Variants in VPS13A observed in about 807,000 individuals in gnomAD.
The protein encoded by VPS13A is vacuolar protein sorting 13 homolog A, also known as intermembrane lipid transfer protein VPS13A.
In VPS13A, 264 loss-of-function variants were observed where a neutral mutation model predicts 390.9. That is an observed-to-expected ratio of 0.68 (90% CI 0.61 to 0.75). VPS13A has a LOEUF of 0.75. VPS13A is among the 30% of genes least tolerant of loss of function. The probability of loss-of-function intolerance (pLI) is 0.00; values close to 1 mark genes in which losing one functional copy is unlikely to be tolerated. For missense variants in VPS13A, 3,409 were observed against 3,733.9 expected, an observed-to-expected ratio of 0.91 and a Z score of 2.27; for synonymous variants, 1,231 against 1,227.1, an observed-to-expected ratio of 1.00 and a Z score of -0.07.
chr9:77,225,438 G>A (rs954689182), intron 13 of VPS13A, among the ~76,000 whole-genome samples: 1 of 152,056 alleles, frequency 6.6e-6, no homozygotes, highest in Non-Finnish European at 1.5e-5. Flanking sequence ...TTTTGTAGAG[G>A]TTTTGCAGTG....
At chr9:77,397,589 C>T (rs1834170897) in intron 68 of VPS13A, among the ~76,000 whole-genome samples, 1 of 152,082 alleles carries the variant, frequency 6.6e-6, no homozygotes, top group Non-Finnish European at 1.5e-5. Flanking sequence ...TTCTTCATAA[C>T]ATTTGGATGA....
Position 77,308,008 on chromosome 9 carries a change from G to A in VPS13A, c.4024G>A (p.Glu1342Lys). The change falls in exon 35 of 72, where the codon GAA becomes AAA. Residue 1342 changes from glutamate (E) to lysine (K), a missense_variant. By Grantham distance (56) the Glu-to-Lys change is moderately conservative (BLOSUM62 1). Transcript: ENST00000360280. ...FKTLHGNIWY[E>K]KDGSASPAVT... Reference sequence around the variant, plus strand: ...AACATTGCATGGCAATATATGGTATGAAAAAGATGGTAGTGCCTCACCTGC... The same window carrying A: ...AACATTGCATGGCAATATATGGTATAAAAAAGATGGTAGTGCCTCACCTGC... 6.2e-7 allele frequency: 1 copy of A among 1,610,104 alleles called. No homozygotes were observed. The highest frequency in any genetic ancestry group is 1.7e-4 in the Middle Eastern group (1 of 6,050).
chr9:77,411,454 G>A (rs1834915911), intron 71 of VPS13A, among the ~76,000 whole-genome samples: 1 of 151,984 alleles, frequency 6.6e-6, no homozygotes, highest in Non-Finnish European at 1.5e-5. Context: ...ACGAGGTCAG[G>A]AGATCGACAC....
chr9:77,275,253 A>G (rs1826581633), intron 24 of VPS13A, among the ~76,000 whole-genome samples: 3 of 152,210 alleles, frequency 2.0e-5, no homozygotes, highest in African/African-American at 7.2e-5. Context: ...ATTACATCTT[A>G]ATAATGTTCC....
At chr9:77,330,329 A>G (rs1248279819) in intron 45 of VPS13A, among the ~76,000 whole-genome samples, 1 of 152,304 alleles carries the variant, frequency 6.6e-6, no homozygotes, top group African/African-American at 2.4e-5. Flanking sequence ...ACTTTTATAC[A>G]GACGGATGCT....
At chr9:77,301,957 A>AAT (rs1554884398) in intron 33 of VPS13A, among the ~76,000 whole-genome samples, 53 of 73,770 alleles carry the variant, frequency 7.2e-4, no homozygotes, top group African/African-American at 2.2e-3. Flanking sequence ...ACATAGAGAT[A>AAT]TTTTTTTTTT....
chr9:77,308,150 C>T lies in VPS13A; in HGVS notation c.4114+52C>T, dbSNP rs78364594. 4,609 of 1,573,872 alleles carry T rather than the reference C, an allele frequency of 2.9e-3. 103 individuals are homozygous for T. In the African/African-American group the frequency reaches 0.054, roughly 18 times the overall value. ...CTGCTTTCCTCTTTCTCTCTTTTTT[C>T]TTCTATCTTCTTCCCTCCCCTTCCT... On this transcript the variant is annotated intron_variant, in intron 35 of 71. Transcript: ENST00000360280.
intron 59 of VPS13A, 118 bp downstream of exon 59, chr9:77,360,759 A>T: frequency 2.5e-6 from 2 of 786,982 alleles, no homozygotes; most frequent in Non-Finnish European, 4.2e-6. Flanking sequence ...AATAAATTTT[A>T]TTACTCTCTT....
chr9:77,359,545 T>A, intron 58 of VPS13A, 143 bp downstream of exon 58: 1 of 878,796 alleles, frequency 1.1e-6, no homozygotes, highest in Non-Finnish European at 1.7e-6. Context: ...AAATATAATG[T>A]TGTGGCTCAC....
intron 47 of VPS13A, chr9:77,339,137 T>G (rs1830685703): frequency 4.6e-6 from 1 of 215,718 alleles, no homozygotes. Flanking sequence ...GCCCACATTT[T>G]ACGTTGTTTT....
intron 68 of VPS13A, among the ~76,000 whole-genome samples, chr9:77,402,524 A>G (rs749553871): frequency 4.6e-5 from 7 of 152,200 alleles, no homozygotes; most frequent in African/African-American, 1.2e-4. Context: ...CTAGCCTGCT[A>G]TGTACTTTAA....
At chr9:77,335,604 G>A (rs2131492752) in intron 46 of VPS13A, among the ~76,000 whole-genome samples, 1 of 152,290 alleles carries the variant, frequency 6.6e-6, no homozygotes, top group Admixed American at 6.5e-5. Context: ...ATGAAAAAAA[G>A]CTCATCATTA....
At chr9:77,278,116 G>C (rs12340642) in intron 26 of VPS13A, among the ~76,000 whole-genome samples, 11,312 of 151,910 alleles carry the variant, frequency 0.074, 458 homozygotes, top group Middle Eastern at 0.12. Flanking sequence ...TGTTGCCCAG[G>C]CTGGAGTGCA....
At chr9:77,398,708 T>C (rs1207432841) in intron 68 of VPS13A, among the ~76,000 whole-genome samples, 1 of 152,182 alleles carries the variant, frequency 6.6e-6, no homozygotes, top group Non-Finnish European at 1.5e-5. Context: ...TATAATGTTC[T>C]TATTCCGTAT....
intron 45 of VPS13A, among the ~76,000 whole-genome samples, chr9:77,330,544 ATG>A (rs1217020166): frequency 5.3e-5 from 8 of 152,192 alleles, no homozygotes; most frequent in Admixed American, 5.2e-4. Flanking sequence ...ATTTAGAAGC[ATG>A]TGTTTCTTAA....
chr9:77,196,734 T>C (rs1343645466), intron 1 of VPS13A, among the ~76,000 whole-genome samples: 1 of 152,136 alleles, frequency 6.6e-6, no homozygotes, highest in Non-Finnish European at 1.5e-5. Context: ...ACATTTTCTT[T>C]AGCAGTGCAT....
intron 71 of VPS13A, among the ~76,000 whole-genome samples, chr9:77,410,681 T>C (rs1442805336): frequency 6.6e-6 from 1 of 151,634 alleles, no homozygotes; most frequent in Non-Finnish European, 1.5e-5. Context: ...CCAACAAAGA[T>C]CAAAAGAGAC....
At chr9:77,365,603 AT>A in intron 60 of VPS13A, 30 bp downstream of exon 60, 2 of 1,394,526 alleles carry the variant, frequency 1.4e-6, no homozygotes, top group Non-Finnish European at 2.0e-6. Context: ...ATTGTCCTTG[AT>A]AATCTAGGTA....
At position 77,303,625 on chromosome 9, in the gene VPS13A, C is replaced by T. The variant is rs188224076; in HGVS notation, c.3960+563C>T. On this transcript the variant is annotated intron_variant, in intron 34 of 71. Transcript: ENST00000360280. ...TTATTGATTATTATTTTCATTATTT[C>T]AGCAAAAAGGAATGTAGTAGGAAAG... Among the ~76,000 whole-genome samples the T allele has an allele frequency of 8.7e-4, 133 of 152,178 alleles. 1 individual carries two copies. The highest frequency in any genetic ancestry group is 2.9e-3 in the African/African-American group (121 of 41,524).
Sources: gnomAD v4.1 joint callset for allele counts (sites outside exome capture counted in the v4.1 genomes callset) on GRCh38, gnomAD v4.1.1 for gene constraint, MANE v1.5 for transcripts, NCBI Gene and HGNC (gene_info 2026-07-23, HGNC 2026-07-21) for gene names.